Variants in CFLAR observed in about 807,000 individuals in gnomAD.
CFLAR encodes the protein CASP8 and FADD like apoptosis regulator, also known as CASP8 and FADD-like apoptosis regulator.
CFLAR carries 14 observed loss-of-function variants against 51.1 expected under a neutral mutation model. The observed-to-expected ratio is 0.27, with a 90% CI of 0.18 to 0.43. CFLAR has a LOEUF of 0.43. Among genes scored for constraint, CFLAR ranks in the 20% least tolerant of loss-of-function variants. The probability of loss-of-function intolerance (pLI) is 1.00; values close to 1 mark genes in which losing one functional copy is unlikely to be tolerated. For missense variants in CFLAR, 390 were observed against 566.5 expected (o/e 0.69, Z 3.16); for synonymous variants, 210 against 211.6 (o/e 0.99, Z 0.06).
intron 8 of CFLAR, chr2:201,150,157 A>G (rs183120266): frequency 0.028 from 4,495 of 161,328 alleles, 107 homozygotes; most frequent in Middle Eastern, 0.071. Context: ...AATATGGTGA[A>G]ACCCCGTCTC....
rs1943653341 is a variant in CFLAR at position 201,166,938 on chromosome 2, C to CAGAGGGAGACGGTGGAAAGAGAGAG, written c.*2975_*2976insGGTGGAAAGAGAGAGAGAGGGAGAC. The CAGAGGGAGACGGTGGAAAGAGAGAG allele has an allele frequency of 6.9e-6, 1 of 145,728 alleles. No individual in the cohort carries two copies. The highest frequency in any genetic ancestry group is 2.5e-5 in the African/African-American group (1 of 39,230). 9.0% of individuals were successfully genotyped at this position (145,728 alleles called of 1,614,324 possible). On this transcript the variant is annotated 3_prime_UTR_variant, in exon 10 of 10. Transcript: ENST00000309955. ...GTACAGTCCAGCTTCGGCTCGGCATCAGAGGGAGACCGTGGGGAGAGGGAG... is the reference window on the plus strand; with the variant it reads ...GTACAGTCCAGCTTCGGCTCGGCATCAGAGGGAGACGGTGGAAAGAGAGAGAGAGGGAGACCGTGGGGAGAGGGAG...
chr2:201,138,222 C>T lies in CFLAR; in HGVS notation c.523+2115C>T. 1 of 948,830 alleles carries T rather than the reference C, an allele frequency of 1.1e-6. No homozygotes were observed. 58.8% of individuals were successfully genotyped at this position (948,830 alleles called of 1,614,324 possible). Reference sequence around the variant, plus strand: ...TAATGCACCATGGCGATCTGATACACCGAGTTCCCTTGGGACGAGTCCAAG... The same window carrying T: ...TAATGCACCATGGCGATCTGATACATCGAGTTCCCTTGGGACGAGTCCAAG... On this transcript the variant is annotated intron_variant, in intron 4 of 9. Transcript: ENST00000309955. This position sits in a 1 kb window ranked among gnomAD's most constrained non-coding sequence, Gnocchi z 4.0.
chr2:201,143,879 T>C (rs1939537524), intron 5 of CFLAR, among the ~76,000 whole-genome samples: 2 of 152,052 alleles, frequency 1.3e-5, no homozygotes, highest in Admixed American at 6.6e-5. Flanking sequence ...GGAGAATCAC[T>C]TGAACCCAGG....
intron 2 of CFLAR, chr2:201,132,737 C>A: frequency 3.4e-6 from 1 of 294,426 alleles, no homozygotes; most frequent in Non-Finnish European, 6.3e-6. Context: ...TCTGGGGGAG[C>A]TAGGGGATTC....
intron 9 of CFLAR, chr2:201,162,911 G>T (rs921425825): frequency 1.5e-6 from 1 of 658,524 alleles, no homozygotes; most frequent in Non-Finnish European, 2.8e-6. Context: ...ATCTTCAGTT[G>T]TTGCACAGTG....
chr2:201,130,627 A>G (rs2049208488), intron 2 of CFLAR, among the ~76,000 whole-genome samples: 1 of 152,008 alleles, frequency 6.6e-6, no homozygotes, highest in African/African-American at 2.4e-5. Context: ...TGGCTTCCCA[A>G]AATGCTGGGA....
intron 3 of CFLAR, 139 bp from the exon 4 acceptor site, chr2:201,135,833 C>T: frequency 8.5e-7 from 1 of 1,175,498 alleles, no homozygotes; most frequent in South Asian, 1.5e-5. Flanking sequence ...CACTATTTTG[C>T]TCAGGCTGGT....
intron 8 of CFLAR, among the ~76,000 whole-genome samples, chr2:201,157,348 C>T (rs1942345195): frequency 6.6e-6 from 1 of 152,104 alleles, no homozygotes; most frequent in Non-Finnish European, 1.5e-5. Flanking sequence ...GCCATGTTGC[C>T]CAGGCTGGTC....
rs375217584 is a variant in CFLAR at position 201,133,143 on chromosome 2, T to A, written c.387+9T>A. The A allele has an allele frequency of 2.5e-6, 4 of 1,606,398 alleles. No homozygotes were observed. The highest frequency in any genetic ancestry group is 1.3e-5 in the African/African-American group (1 of 74,784). ...AGATAAGCAAGGAGAAGGTGAGTTT[T>A]CTTCTTTTGGTTCATGGCCCCAGGA... is the stretch of plus-strand genomic sequence containing the variant. On this transcript the variant is annotated intron_variant, in intron 3 of 9. Transcript: ENST00000309955.
At position 201,118,804 on chromosome 2, in the gene CFLAR, A is replaced by G. The variant is rs1279223583; in HGVS notation, c.-138+2323A>G. 6.6e-6 allele frequency: 1 copy of G among 152,010 alleles called. No homozygotes were observed. Among genetic ancestry groups the G allele is most frequent in the East Asian group, 1.9e-4 (1 of 5,174 alleles). The allele number at this position is 152,010 out of a possible 1,614,324, so 9.4% of individuals were successfully genotyped here. A position where few individuals can be genotyped will look rare whatever the true frequency, so the allele number is the denominator to read the frequency against. On this transcript the variant is annotated intron_variant, in intron 1 of 9. Transcript: ENST00000309955. This position sits in a 1 kb window ranked among gnomAD's most constrained non-coding sequence, Gnocchi z 5.1. ...CCTCGTCCCATCTGGAGCATTTCCA[A>G]TTCTGGTTTTGCGGAGCAGCAGGTC...
intron 8 of CFLAR, among the ~76,000 whole-genome samples, chr2:201,155,957 C>T (rs897756777): frequency 6.6e-6 from 1 of 152,142 alleles, no homozygotes; most frequent in Non-Finnish European, 1.5e-5. Context: ...GGGTCTTTTG[C>T]TGTATTTCCC....
At position 201,160,807 on chromosome 2, in the gene CFLAR, G is replaced by A. The variant is rs745911377; in HGVS notation, c.1169G>A (p.Arg390Gln). The change falls in exon 9 of 10, where the codon CGA becomes CAA. Residue 390 changes from arginine to glutamine, a missense_variant. Arg to Gln is a conservative substitution (Grantham distance 43, BLOSUM62 1). Coordinates refer to ENST00000309955, the MANE Select transcript of CFLAR (RefSeq NM_003879.7). ...MKNVEFKAQK[R>Q]GLCTVHREAD... ...AATGTGGAATTCAAGGCTCAGAAGC[G>A]AGGGCTGTGCACAGTTCACCGAGAA... 1.9e-6 allele frequency: 3 copies of A among 1,614,102 alleles called. No individual in the cohort carries two copies. Among genetic ancestry groups the A allele is most frequent in the East Asian group, 2.2e-5 (1 of 44,878 alleles).
intron 1 of CFLAR, among the ~76,000 whole-genome samples, chr2:201,127,978 A>T (rs192278917): frequency 6.6e-6 from 1 of 152,294 alleles, no homozygotes; most frequent in African/African-American, 2.4e-5. Context: ...GTTGATACTT[A>T]TGAATTACAA....
At chr2:201,127,005 A>G (rs973873082) in intron 1 of CFLAR, among the ~76,000 whole-genome samples, 2 of 152,180 alleles carry the variant, frequency 1.3e-5, no homozygotes, top group Non-Finnish European at 2.9e-5. Context: ...TGGGTGTGGA[A>G]AAGAAGGGGA....
chr2:201,128,010 A>G (rs1402512299), intron 1 of CFLAR, among the ~76,000 whole-genome samples: 1 of 152,232 alleles, frequency 6.6e-6, no homozygotes, highest in Non-Finnish European at 1.5e-5. Context: ...CTGTAAAAAA[A>G]TAGAGAATTA....
At chr2:201,130,435 C>G (rs371361976) in intron 2 of CFLAR, among the ~76,000 whole-genome samples, 2 of 134,824 alleles carry the variant, frequency 1.5e-5, no homozygotes, top group African/African-American at 2.8e-5. Context: ...GATCTTGGCT[C>G]ACTGCAACCT....
intron 1 of CFLAR, among the ~76,000 whole-genome samples, chr2:201,120,516 A>G (rs1350600452): frequency 6.6e-6 from 1 of 152,172 alleles, no homozygotes; most frequent in Non-Finnish European, 1.5e-5. Flanking sequence ...TACCACTTTC[A>G]TCTGCATACT....
intron 8 of CFLAR, chr2:201,150,042 T>G (rs1940988531): frequency 2.6e-6 from 1 of 390,376 alleles, no homozygotes; most frequent in Non-Finnish European, 4.7e-6. Context: ...AGTTAAAAAT[T>G]AGCTGGTGTG....
rs1943248640 is a variant in CFLAR, at chr2:201,163,378, G to A, written c.1305-457G>A. On this transcript the variant is annotated intron_variant, in intron 9 of 9. Transcript: ENST00000309955. ...CACTCTAATTACAATTTAGAATGATGTTTCTGAGCCACCTGTCAAATGCAT... is the reference window on the plus strand; with the variant it reads ...CACTCTAATTACAATTTAGAATGATATTTCTGAGCCACCTGTCAAATGCAT... 4 of 1,145,356 alleles carry A rather than the reference G, an allele frequency of 3.5e-6. 1 individual carries two copies. In the South Asian group the frequency reaches 7.2e-5, roughly 21 times the overall value. The allele number at this position is 1,145,356 out of a possible 1,614,324, so 70.9% of individuals were successfully genotyped here.
Sources: allele counts gnomAD v4.1 joint callset (sites outside exome capture counted in the v4.1 genomes callset), GRCh38; gene constraint gnomAD v4.1.1; non-coding constraint Gnocchi (gnomAD v3.1); transcripts MANE v1.5; gene names NCBI Gene and HGNC (gene_info 2026-07-23, HGNC 2026-07-21).